The following CADM3 variants were observed in gnomAD, a reference collection of about 807,000 sequenced individuals.
CADM3 encodes the protein cell adhesion molecule 3.
CADM3 carries 11 observed loss-of-function variants against 44.9 expected under a neutral mutation model. That is an observed-to-expected ratio of 0.25 (90% CI 0.15 to 0.41). The LOEUF (loss-of-function observed/expected upper bound fraction) is 0.41. Ranked by LOEUF, CADM3 falls within the 10% of genes least tolerant of loss-of-function variation. The pLI is 1.00. For missense variants in CADM3, 426 were observed against 512.0 expected (o/e 0.83, Z 1.62); for synonymous variants, 207 against 205.2 (o/e 1.01, Z -0.08).
At chr1:159,191,347 T>C (rs1039488167) in intron 1 of CADM3, among the ~76,000 whole-genome samples, 1 of 152,226 alleles carries the variant, frequency 6.6e-6, no homozygotes. Context: ...GAAGTTATTG[T>C]TAGACGAATT....
chr1:159,194,193 C>A, intron 5 of CADM3, 153 bp downstream of exon 5: 1 of 763,912 alleles, frequency 1.3e-6, no homozygotes, highest in Non-Finnish European at 2.0e-6. Context: ...CCAGGGTTGG[C>A]AAACTCTTTA....
At chr1:159,177,633 C>G in intron 1 of CADM3, among the ~76,000 whole-genome samples, 1 of 152,132 alleles carries the variant, frequency 6.6e-6, no homozygotes. Flanking sequence ...GCTCCCCGAC[C>G]TGTTCCACCA....
rs768768930 is a variant in CADM3 at position 159,196,968 on chromosome 1, C to T, written c.860C>T (p.Pro287Leu). 6.2e-7 allele frequency: 1 copy of T among 1,614,120 alleles called. No homozygotes were observed. Among genetic ancestry groups the T allele is most frequent in the East Asian group, 2.2e-5 (1 of 44,876 alleles). Residue 287 changes from proline to leucine, a missense_variant, in exon 7 of 9, where the codon CCT becomes CTT. Coordinates refer to ENST00000368125, the MANE Select transcript of CADM3 (RefSeq NM_001127173.3). The part of the protein sequence containing the change: ...KMTQESALIF[P>L]FLNKSDSGTY... ...ACCCAGGAGAGTGCCCTGATCTTCC[C>T]TTTCCTCAACAAGAGTGACAGTGGC...
chr1:159,194,862 T>G (rs945936476), intron 5 of CADM3: 1 of 152,228 alleles, frequency 6.6e-6, no homozygotes, highest in African/African-American at 2.4e-5. Context: ...ATTTCTCATC[T>G]GAGGAAATTC....
In CADM3 at chr1:159,202,737, C is replaced by G. The variant is rs1044206068; in HGVS notation, c.*1815C>G. ...AAAGGGGCAGCTGCAATCTAGCAGGCCTGCCCACCCCCTTCAGTTCAGGTA... is the reference window on the plus strand; with the variant it reads ...AAAGGGGCAGCTGCAATCTAGCAGGGCTGCCCACCCCCTTCAGTTCAGGTA... On this transcript the variant is annotated 3_prime_UTR_variant, in exon 9 of 9. Coordinates refer to ENST00000368125, the MANE Select transcript of CADM3 (RefSeq NM_001127173.3). The G allele has an allele frequency of 2.6e-5, 4 of 152,110 alleles. No homozygotes were observed. The highest frequency in any genetic ancestry group is 5.9e-5 in the Non-Finnish European group (4 of 68,078). 9.4% of individuals were successfully genotyped at this position (152,110 alleles called of 1,614,324 possible).
chr1:159,193,621 C>A lies in CADM3; in HGVS notation c.520+61C>A, dbSNP rs778113291. The A allele has an allele frequency of 2.7e-5, 44 of 1,608,582 alleles. No homozygotes were observed. The African/African-American group carries it at 5.9e-4, about 21-fold the overall frequency. On this transcript the variant is annotated intron_variant, in intron 4 of 8. Transcript: ENST00000368125. ...TGGTGCTGGAAAGAGAGAGAAGTGC[C>A]TGTCTGTGAACGTACACAGGAGGCA...
At position 159,171,701 on chromosome 1, in the gene CADM3, C is replaced by T; in HGVS notation, c.-65C>T. 8.8e-7 allele frequency: 1 copy of T among 1,135,976 alleles called. No homozygotes were observed. Among genetic ancestry groups the T allele is most frequent in the Non-Finnish European group, 1.1e-6 (1 of 900,670 alleles). 70.4% of individuals were successfully genotyped at this position (1,135,976 alleles called of 1,614,324 possible). A position where few individuals can be genotyped will look rare whatever the true frequency, so the allele number is the denominator to read the frequency against. ...GTCAACATCGTAGTCCACCCCCTCC[C>T]CATCCCCAGCCCCCGGGGATTCAGG... On this transcript the variant is annotated 5_prime_UTR_variant, in exon 1 of 9. Coordinates refer to ENST00000368125, the MANE Select transcript of CADM3 (RefSeq NM_001127173.3).
At chr1:159,182,316 G>T (rs765532423) in intron 1 of CADM3, among the ~76,000 whole-genome samples, 2 of 152,136 alleles carry the variant, frequency 1.3e-5, no homozygotes, top group African/African-American at 4.8e-5. Flanking sequence ...TAAGGTCCAC[G>T]GTCCTGGAGT....
At chr1:159,197,193 G>GGGGTCCCTGAGGGCTT in intron 7 of CADM3, 133 bp downstream of exon 7, 1 of 908,856 alleles carries the variant, frequency 1.1e-6, no homozygotes, top group Non-Finnish European at 1.7e-6. Context: ...GCCCACCACT[G>GGGGTCCCTGAGGGCTT]GGGTCCCTGA....
rs1570999135 is a variant in CADM3, at chr1:159,171,710, G to T, written c.-56G>T. ...GTAGTCCACCCCCTCCCCATCCCCA[G>T]CCCCCGGGGATTCAGGCTCGCCAGC... On this transcript the variant is annotated 5_prime_UTR_variant, in exon 1 of 9. Transcript: ENST00000368125. 5.1e-6 allele frequency: 6 copies of T among 1,185,466 alleles called. No homozygotes were observed. In the East Asian group the frequency reaches 1.6e-4, roughly 31 times the overall value. 73.4% of individuals were successfully genotyped at this position (1,185,466 alleles called of 1,614,324 possible). A position where few individuals can be genotyped will look rare whatever the true frequency, so the allele number is the denominator to read the frequency against.
chr1:159,192,096 C>A lies in CADM3; in HGVS notation c.229+20C>A. The A allele has an allele frequency of 6.2e-7, 1 of 1,612,630 alleles. No individual in the cohort carries two copies. The highest frequency in any genetic ancestry group is 8.5e-7 in the Non-Finnish European group (1 of 1,179,478). The stretch of plus-strand genomic sequence containing the variant: ...AGAGAGGTAGTATCTCATGAGTTAT[C>A]TTTCTCCGTGAAAACCATGGGCTAG... On this transcript the variant is annotated intron_variant, in intron 2 of 8. Coordinates refer to ENST00000368125, the MANE Select transcript of CADM3 (RefSeq NM_001127173.3).
chr1:159,175,432 A>T (rs1648980890), intron 1 of CADM3, among the ~76,000 whole-genome samples: 1 of 152,252 alleles, frequency 6.6e-6, no homozygotes, highest in South Asian at 2.1e-4. Flanking sequence ...AGATCTGGAT[A>T]GCACTGTTAG....
chr1:159,200,506 G>A (rs192411358), intron 8 of CADM3, among the ~76,000 whole-genome samples: 5 of 133,082 alleles, frequency 3.8e-5, no homozygotes, highest in Non-Finnish European at 4.7e-5. Flanking sequence ...ACACACACAC[G>A]CATGCGTGCA....
At chr1:159,191,102 T>C (rs532998054) in intron 1 of CADM3, among the ~76,000 whole-genome samples, 1 of 152,324 alleles carries the variant, frequency 6.6e-6, no homozygotes, top group African/African-American at 2.4e-5. Flanking sequence ...AAGGCACAGT[T>C]GAGATTTAAA....
At chr1:159,176,621 G>A (rs1230158497) in intron 1 of CADM3, among the ~76,000 whole-genome samples, 1 of 152,192 alleles carries the variant, frequency 6.6e-6, no homozygotes, top group Non-Finnish European at 1.5e-5. Context: ...GAACCAGCTG[G>A]TGCCCAGGGC....
intron 5 of CADM3, chr1:159,195,045 C>T (rs768841800): frequency 1.3e-5 from 2 of 152,194 alleles, no homozygotes; most frequent in Non-Finnish European, 2.9e-5. Flanking sequence ...CTTGTGGAGT[C>T]GACCTAGGCC....
chr1:159,177,263 G>A (rs1371941008), intron 1 of CADM3, among the ~76,000 whole-genome samples: 1 of 152,074 alleles, frequency 6.6e-6, no homozygotes, highest in Non-Finnish European at 1.5e-5. Flanking sequence ...TCTTGACTGT[G>A]TATCAACCAG....
intron 1 of CADM3, among the ~76,000 whole-genome samples, chr1:159,179,077 T>C (rs1341111395): frequency 6.6e-6 from 1 of 152,156 alleles, no homozygotes; most frequent in Non-Finnish European, 1.5e-5. Context: ...AGGGTTATAG[T>C]AACAGCTGGA....
intron 7 of CADM3, 174 bp downstream of exon 7, chr1:159,197,234 T>A (rs1336896529): frequency 3.3e-6 from 2 of 597,128 alleles, no homozygotes; most frequent in East Asian, 5.7e-5. Flanking sequence ...CTCTAGAATG[T>A]GTAATGGCCG....
Sources: gnomAD v4.1 joint callset for allele counts (sites outside exome capture counted in the v4.1 genomes callset) on GRCh38, gnomAD v4.1.1 for gene constraint, MANE v1.5 for transcripts, NCBI Gene and HGNC (gene_info 2026-07-23, HGNC 2026-07-21) for gene names.